The following SLC24A2 variants were observed in gnomAD, a reference collection of about 807,000 sequenced individuals.
The protein encoded by SLC24A2 is solute carrier family 24 member 2.
A neutral mutation model predicts 62.0 loss-of-function variants in SLC24A2; 36 were observed. The observed-to-expected ratio is 0.58, with a 90% CI of 0.44 to 0.77. The LOEUF (loss-of-function observed/expected upper bound fraction) is 0.77, where lower values mean the gene tolerates loss of function less well. SLC24A2 is among the 30% of genes least tolerant of loss of function. The pLI is 0.00. For missense variants in SLC24A2, 846 were observed against 817.9 expected (o/e 1.03, Z -0.42); for synonymous variants, 358 against 294.0 (o/e 1.22, Z -2.23).
the SLC24A2 span, among the ~76,000 whole-genome samples, chr9:19,916,304 A>G: frequency 2.3e-4 from 35 of 152,158 alleles, no homozygotes; most frequent in African/African-American, 8.4e-4. Flanking sequence ...TTTGATTACT[A>G]CAGCTTTGTA....
chr9:20,279,194 G>A, the SLC24A2 span, among the ~76,000 whole-genome samples: 1 of 152,184 alleles, frequency 6.6e-6, no homozygotes, highest in African/African-American at 2.4e-5. Flanking sequence ...TTTAAGATGA[G>A]ATTTGGATGG....
the SLC24A2 span, among the ~76,000 whole-genome samples, chr9:20,080,499 T>C: frequency 1.3e-5 from 2 of 152,116 alleles, no homozygotes; most frequent in African/African-American, 2.4e-5. Flanking sequence ...AAGACTTACA[T>C]GTTAGACCTA....
At chr9:20,199,475 T>C in the SLC24A2 span, among the ~76,000 whole-genome samples, 1 of 152,184 alleles carries the variant, frequency 6.6e-6, no homozygotes, top group African/African-American at 2.4e-5. Flanking sequence ...GTGTCCTAAT[T>C]CTTATTACTA....
At chr9:20,145,625 G>T in the SLC24A2 span, among the ~76,000 whole-genome samples, 1 of 21,220 alleles carries the variant, frequency 4.7e-5, no homozygotes, top group East Asian at 1.4e-3. Flanking sequence ...GTGTGTGCAC[G>T]TGTGCAATTA....
At chr9:20,258,662 C>G in the SLC24A2 span, among the ~76,000 whole-genome samples, 2 of 152,128 alleles carry the variant, frequency 1.3e-5, no homozygotes, top group Non-Finnish European at 2.9e-5. Context: ...CATGAAGCCA[C>G]GCTATTGGCT....
At chr9:19,804,687 G>A in the SLC24A2 span, among the ~76,000 whole-genome samples, 1 of 152,066 alleles carries the variant, frequency 6.6e-6, no homozygotes, top group African/African-American at 2.4e-5. Context: ...AATCAAAGTG[G>A]TAAGAGCTGT....
chr9:19,716,296 T>C (rs1215097775), intron 2 of SLC24A2, among the ~76,000 whole-genome samples: 1 of 152,228 alleles, frequency 6.6e-6, no homozygotes, highest in Non-Finnish European at 1.5e-5. Context: ...AGCAACTTTT[T>C]ATTGATGAAT....
the SLC24A2 span, among the ~76,000 whole-genome samples, chr9:20,153,517 T>TA: frequency 6.6e-6 from 1 of 151,932 alleles, no homozygotes; most frequent in African/African-American, 2.4e-5. Context: ...ACCTCATCTT[T>TA]AAAATACAAA....
chr9:20,146,905 C>G, the SLC24A2 span, among the ~76,000 whole-genome samples: 1 of 152,126 alleles, frequency 6.6e-6, no homozygotes, highest in Non-Finnish European at 1.5e-5. Context: ...CACTGCGACT[C>G]CACTAGTCAG....
the SLC24A2 span, among the ~76,000 whole-genome samples, chr9:20,174,377 T>C: frequency 1.3e-5 from 2 of 151,528 alleles, no homozygotes; most frequent in Non-Finnish European, 2.9e-5. Flanking sequence ...ACTAAAGAGC[T>C]TTTGCACTGC....
chr9:19,565,049 G>A (rs1404591458), intron 7 of SLC24A2, among the ~76,000 whole-genome samples: 1 of 152,058 alleles, frequency 6.6e-6, no homozygotes, highest in Non-Finnish European at 1.5e-5. Context: ...TTGAAAACTG[G>A]CACAAGACAG....
At chr9:20,095,575 A>C in the SLC24A2 span, among the ~76,000 whole-genome samples, 2 of 152,148 alleles carry the variant, frequency 1.3e-5, no homozygotes, top group Non-Finnish European at 2.9e-5. Flanking sequence ...TTCTACTTCC[A>C]GACTCAAAGT....
the SLC24A2 span, among the ~76,000 whole-genome samples, chr9:19,940,064 T>C: frequency 6.6e-6 from 1 of 152,212 alleles, no homozygotes; most frequent in African/African-American, 2.4e-5. Flanking sequence ...GAGGGGATGC[T>C]CCCATTCCCA....
At chr9:19,826,341 G>A in the SLC24A2 span, among the ~76,000 whole-genome samples, 1 of 152,092 alleles carries the variant, frequency 6.6e-6, no homozygotes, top group Non-Finnish European at 1.5e-5. Context: ...AGAGTGAATG[G>A]GATATCCAAG....
At chr9:19,578,326 A>G (rs1316278743) in intron 5 of SLC24A2, among the ~76,000 whole-genome samples, 1 of 146,714 alleles carries the variant, frequency 6.8e-6, no homozygotes, top group Non-Finnish European at 1.5e-5. Context: ...CTTCTTTATT[A>G]TTGACATAAT....
the SLC24A2 span, among the ~76,000 whole-genome samples, chr9:20,198,136 TGA>T: frequency 1.2e-4 from 18 of 152,040 alleles, no homozygotes; most frequent in Middle Eastern, 3.4e-3. Context: ...ATTGAGGGGG[TGA>T]GAGAGCTTGG....
the SLC24A2 span, among the ~76,000 whole-genome samples, chr9:20,202,050 G>GGTGTGTGTGTGTGTGTGT: frequency 1.4e-5 from 2 of 141,680 alleles, no homozygotes; most frequent in African/African-American, 5.2e-5. Flanking sequence ...CCCATTTCAT[G>GGTGTGTGTGTGTGTGTGT]GTGTGTGTGT....
At chr9:19,544,952 C>T (rs952833164) in intron 8 of SLC24A2, among the ~76,000 whole-genome samples, 2 of 152,110 alleles carry the variant, frequency 1.3e-5, no homozygotes, top group Admixed American at 6.6e-5. Context: ...CTCTGTATTT[C>T]CTGAATTTGA....
At chr9:19,545,134 C>A (rs1345346511) in intron 8 of SLC24A2, among the ~76,000 whole-genome samples, 3 of 151,926 alleles carry the variant, frequency 2.0e-5, no homozygotes, top group Non-Finnish European at 4.4e-5. Flanking sequence ...CCCTTTCATC[C>A]TTTTTTCTCT....
Sources: allele counts gnomAD v4.1 joint callset (sites outside exome capture counted in the v4.1 genomes callset), GRCh38; gene constraint gnomAD v4.1.1; transcripts MANE v1.5; gene names NCBI Gene and HGNC (gene_info 2026-07-23, HGNC 2026-07-21).